Variants in REV1 observed in about 807,000 individuals in gnomAD.
The protein encoded by REV1 is translesion synthesis protein REV1.
Under a neutral mutation model 137.4 loss-of-function variants are expected in REV1, and 42 were observed. The observed-to-expected ratio is 0.31, with a 90% CI of 0.24 to 0.40. The LOEUF is 0.40. REV1 is among the 10% of genes least tolerant of loss of function. The pLI, the probability that REV1 is intolerant of heterozygous loss-of-function variation, is 1.00. For missense variants in REV1, 1,282 were observed against 1,490.1 expected, an observed-to-expected ratio of 0.86 and a Z score of 2.30; for synonymous variants, 524 against 519.2, an observed-to-expected ratio of 1.01 and a Z score of -0.12.
In REV1 at chr2:99,469,853, T is replaced by C. The variant is rs150121349; in HGVS notation, c.-10-4868A>G. Among the ~76,000 whole-genome samples the C allele has an allele frequency of 6.7e-3, 1,020 of 152,192 alleles. 14 individuals are homozygous for C. Among genetic ancestry groups the C allele is most frequent in the African/African-American group, 0.024 (979 of 41,514 alleles). On this transcript the variant is annotated intron_variant, in intron 1 of 22. Transcript: ENST00000258428. ...TTATCACCAGGAACATTCATTTTCA[T>C]GTAAAAATGATATTTCCTAGCACTC...
At chr2:99,433,521 T>G (rs993787510) in intron 8 of REV1, among the ~76,000 whole-genome samples, 1 of 152,206 alleles carries the variant, frequency 6.6e-6, no homozygotes, top group African/African-American at 2.4e-5. Flanking sequence ...TTAATTTCAT[T>G]GGAGTCATTG....
chr2:99,462,495 C>T lies in REV1; in HGVS notation c.181+1G>A. The T allele has an allele frequency of 6.2e-7, 1 of 1,608,660 alleles. No individual in the cohort carries two copies. The highest frequency in any genetic ancestry group is 8.5e-7 in the Non-Finnish European group (1 of 1,178,474). ...ATAGGGTTAAGTAAAAAGTACTCAACCTGTGTATCCATTAACATAGATGGC... is the reference window on the plus strand; with the variant it reads ...ATAGGGTTAAGTAAAAAGTACTCAATCTGTGTATCCATTAACATAGATGGC... On this transcript the variant is annotated splice_donor_variant, in intron 3 of 22. Coordinates refer to ENST00000258428, the MANE Select transcript of REV1 (RefSeq NM_016316.4). LOFTEE classifies it high-confidence loss of function.
intron 4 of REV1, among the ~76,000 whole-genome samples, chr2:99,448,042 T>G (rs548298243): frequency 6.6e-6 from 1 of 152,316 alleles, no homozygotes; most frequent in East Asian, 1.9e-4. Context: ...GATACTGAAC[T>G]GCCGAGTTTG....
At chr2:99,451,316 T>G (rs1324905850) in intron 3 of REV1, 2 of 1,161,490 alleles carry the variant, frequency 1.7e-6, no homozygotes, top group Non-Finnish European at 1.1e-6. Flanking sequence ...CACATTAACT[T>G]TCCATATACA....
In REV1 at chr2:99,428,659, A is replaced by G. The variant is rs28382912; in HGVS notation, c.1547+1181T>C. ...TGCTGAGCTCAAATATTTTTTCTTC[A>G]GATTAGATGCCTGAATAGCCACAAC... is the stretch of plus-strand genomic sequence containing the variant. On this transcript the variant is annotated intron_variant, in intron 9 of 22. Coordinates refer to ENST00000258428, the MANE Select transcript of REV1 (RefSeq NM_016316.4). Among the ~76,000 whole-genome samples, 477 of 152,294 alleles carry G rather than the reference A, an allele frequency of 3.1e-3. 4 individuals carry two copies. Among genetic ancestry groups the G allele is most frequent in the African/African-American group, 0.011 (457 of 41,548 alleles).
chr2:99,438,284 G>C (rs1337514168), intron 6 of REV1, among the ~76,000 whole-genome samples: 1 of 152,088 alleles, frequency 6.6e-6, no homozygotes, highest in Non-Finnish European at 1.5e-5. Flanking sequence ...TTTAAGCACT[G>C]GATAGATGTT....
At chr2:99,408,560 G>T (rs1676663475) in intron 14 of REV1, among the ~76,000 whole-genome samples, 1 of 152,212 alleles carries the variant, frequency 6.6e-6, no homozygotes, top group African/African-American at 2.4e-5. Flanking sequence ...ATTCAGAAGA[G>T]AAAGATAAAT....
intron 3 of REV1, among the ~76,000 whole-genome samples, chr2:99,461,771 T>C (rs1210149878): frequency 6.6e-6 from 1 of 152,050 alleles, no homozygotes; most frequent in Non-Finnish European, 1.5e-5. Flanking sequence ...TTGTTACCAG[T>C]AAAACAAAGA....
intron 4 of REV1, among the ~76,000 whole-genome samples, chr2:99,445,610 C>T (rs1054464255): frequency 2.0e-5 from 3 of 152,158 alleles, no homozygotes; most frequent in African/African-American, 7.2e-5. Context: ...CTCATCTATT[C>T]CACATTTCAA....
At chr2:99,463,130 T>TAGGTCAAAGA (rs1684418390) in intron 2 of REV1, among the ~76,000 whole-genome samples, 1 of 151,952 alleles carries the variant, frequency 6.6e-6, no homozygotes, top group South Asian at 2.1e-4. Flanking sequence ...ATAAAACACA[T>TAGGTCAAAGA]AGGTCAAAGA....
In REV1 at chr2:99,410,966, TACTC is replaced by T. The variant is rs575412684; in HGVS notation, c.2173-103_2173-100del. The T allele has an allele frequency of 3.9e-4, 452 of 1,146,674 alleles. 1 individual carries two copies. The highest frequency in any genetic ancestry group is 3.7e-3 in the African/African-American group (236 of 63,120). 71.0% of individuals were successfully genotyped at this position (1,146,674 alleles called of 1,614,324 possible). On this transcript the variant is annotated intron_variant, in intron 13 of 22. Transcript: ENST00000258428. Reference sequence around the variant, plus strand: ...AACTTTGAATATTAAACATGTTGGTTACTCACTATCACGCTCAGCATCTATTAAA... The same window carrying T: ...AACTTTGAATATTAAACATGTTGGTTACTATCACGCTCAGCATCTATTAAA...
At chr2:99,473,045 T>C (rs995095273) in intron 1 of REV1, among the ~76,000 whole-genome samples, 1 of 152,106 alleles carries the variant, frequency 6.6e-6, no homozygotes, top group African/African-American at 2.4e-5. Flanking sequence ...GTTTTGATCT[T>C]GAAGGGACTC....
At chr2:99,442,552 T>C (rs1681652870) in intron 4 of REV1, 83 bp from the exon 5 acceptor site, 1 of 1,298,912 alleles carries the variant, frequency 7.7e-7, no homozygotes, top group Non-Finnish European at 1.1e-6. Context: ...TCCTTAAAGA[T>C]ACAGTATTTC....
intron 1 of REV1, among the ~76,000 whole-genome samples, chr2:99,489,061 G>A (rs1687395685): frequency 6.6e-6 from 1 of 152,180 alleles, no homozygotes; most frequent in African/African-American, 2.4e-5. Flanking sequence ...TTTACAAACT[G>A]AGAATAGGTA....
rs139233630 is a variant in REV1, at chr2:99,404,587, C to T, written c.2902G>A (p.Asp968Asn). Reference protein sequence around the residue: ...CAVQQAESHGDKKKEPVNGCN... With the variant: ...CAVQQAESHGNKKKEPVNGCN... The stretch of plus-strand genomic sequence containing the variant: ...CCATTTACTGGTTCTTTCTTTTTGT[C>T]GCCATGTGACTCTGCTTGCTGGACA... Residue 968 changes from aspartate (D) to asparagine (N), a missense_variant, in exon 18 of 23, where the codon GAC becomes AAC. This residue lies in a region of REV1 where 135 missense variants were observed against 123.3 expected (regional missense o/e 1.10). Coordinates refer to ENST00000258428, the MANE Select transcript of REV1 (RefSeq NM_016316.4). 44 of 1,613,854 alleles carry T rather than the reference C, an allele frequency of 2.7e-5. No individual in the cohort carries two copies. Among genetic ancestry groups the T allele is most frequent in the Non-Finnish European group, 3.5e-5 (41 of 1,179,970 alleles).
intron 10 of REV1, among the ~76,000 whole-genome samples, chr2:99,422,193 G>A (rs1678773685): frequency 6.6e-6 from 1 of 152,104 alleles, no homozygotes. Context: ...CCAACTGCTT[G>A]TCTGAGAATA....
At chr2:99,472,614 A>G (rs891225024) in intron 1 of REV1, among the ~76,000 whole-genome samples, 3 of 152,250 alleles carry the variant, frequency 2.0e-5, no homozygotes, top group Admixed American at 1.3e-4. Context: ...TGCAGTGGAC[A>G]GGATCTTCAG....
intron 8 of REV1, among the ~76,000 whole-genome samples, chr2:99,433,097 A>C (rs1331930560): frequency 6.6e-6 from 1 of 152,208 alleles, no homozygotes; most frequent in Non-Finnish European, 1.5e-5. Flanking sequence ...ATATATGACA[A>C]GTATTGTGTA....
chr2:99,423,993 CAAAG>C (rs758065257), intron 10 of REV1, among the ~76,000 whole-genome samples, 155 bp downstream of exon 10: 6 of 152,104 alleles, frequency 3.9e-5, no homozygotes, highest in African/African-American at 7.2e-5. Context: ...GGAAATTGCC[CAAAG>C]AAAGGTCTCA....
Sources: allele counts gnomAD v4.1 joint callset (sites outside exome capture counted in the v4.1 genomes callset), GRCh38; gene constraint gnomAD v4.1.1; regional missense constraint gnomAD v4.1.1; transcripts MANE v1.5; gene names NCBI Gene and HGNC (gene_info 2026-07-23, HGNC 2026-07-21).